Variants in NAPEPLD observed in about 807,000 individuals in gnomAD.
NAPEPLD encodes the protein N-acyl phosphatidylethanolamine phospholipase D.
A neutral mutation model predicts 38.1 loss-of-function variants in NAPEPLD; 23 were observed. The ratio of observed to expected loss-of-function variants is 0.60; its 90% confidence interval spans 0.43 to 0.86. NAPEPLD has a LOEUF of 0.86. NAPEPLD is among the 40% of genes least tolerant of loss of function. The pLI is 0.00. For synonymous variants in NAPEPLD, 147 were observed against 162.0 expected, an observed-to-expected ratio of 0.91 and a Z score of 0.71; for missense variants, 411 against 476.8, an observed-to-expected ratio of 0.86 and a Z score of 1.28.
chr7:103,116,538 G>A lies in NAPEPLD; in HGVS notation c.942-1364C>T, dbSNP rs577439694. ...TTGTATGTCCTGCTGATACAAATTT[G>A]TAAAAACCTGCTAAAGCAAAAATAA... On this transcript the variant is annotated intron_variant, in intron 3 of 4. Coordinates refer to ENST00000465647, the MANE Select transcript of NAPEPLD (RefSeq NM_001122838.3). Among the ~76,000 whole-genome samples the A allele has an allele frequency of 2.7e-4, 41 of 152,240 alleles. No homozygotes were observed. The South Asian group carries it at 8.3e-3, about 31-fold the overall frequency.
Position 103,141,815 on chromosome 7 carries a change from C to T in NAPEPLD, c.-17+6996G>A, listed in dbSNP as rs949046949. The T allele has an allele frequency of 1.7e-4, 152 of 914,802 alleles. 1 individual carries two copies. The African/African-American group carries it at 2.1e-3, about 13-fold the overall frequency. 56.7% of individuals were successfully genotyped at this position (914,802 alleles called of 1,614,324 possible). ...GATCAGCCCATCTTTGATCAGCTTC[C>T]GGATCTGCTGACGGGAGTTGGCATT... is the stretch of plus-strand genomic sequence containing the variant. On this transcript the variant is annotated intron_variant, in intron 1 of 4. Transcript: ENST00000465647.
intron 1 of NAPEPLD, among the ~76,000 whole-genome samples, chr7:103,143,629 G>A (rs916926113): frequency 2.6e-5 from 4 of 152,170 alleles, no homozygotes; most frequent in Non-Finnish European, 2.9e-5. Flanking sequence ...CCAGGAGGGT[G>A]CCACATCCAA....
At chr7:103,141,892 G>C in intron 1 of NAPEPLD, 1 of 1,029,260 alleles carries the variant, frequency 9.7e-7, no homozygotes. Flanking sequence ...TCTTGCCACA[G>C]CAGAGGACAC....
intron 1 of NAPEPLD, among the ~76,000 whole-genome samples, chr7:103,146,961 G>T (rs1186127580): frequency 6.6e-6 from 1 of 152,066 alleles, no homozygotes; most frequent in Non-Finnish European, 1.5e-5. Context: ...TAAAATATTT[G>T]AAAGAGCTTT....
At chr7:103,111,199 G>A (rs1804461045) in intron 4 of NAPEPLD, among the ~76,000 whole-genome samples, 1 of 152,096 alleles carries the variant, frequency 6.6e-6, no homozygotes, top group Admixed American at 6.5e-5. Context: ...GTAATTTATA[G>A]AGTCAATGCT....
chr7:103,119,726 C>G lies in NAPEPLD; in HGVS notation c.792G>C (p.Lys264Asn), dbSNP rs1352992758. The change falls in exon 3 of 5, where the codon AAG becomes AAC. Residue 264 changes from lysine (K) to asparagine (N), a missense_variant. Lys to Asn is a moderately conservative substitution (Grantham distance 94). Transcript: ENST00000465647. ...AGACAGACCAGCTGCCCCATAGCAC[C>G]TTGTTGTCATCCATTAGAGTCCTTT... ...WCKRTLMDDNKVLWGSWSVLG... is the reference protein window; with the variant it reads ...WCKRTLMDDNNVLWGSWSVLG... The G allele has an allele frequency of 6.2e-7, 1 of 1,614,058 alleles. No individual in the cohort carries two copies. The highest frequency in any genetic ancestry group is 1.3e-5 in the African/African-American group (1 of 74,934).
intron 4 of NAPEPLD, among the ~76,000 whole-genome samples, chr7:103,106,507 A>AT (rs1803384690): frequency 6.6e-6 from 1 of 152,082 alleles, no homozygotes; most frequent in Non-Finnish European, 1.5e-5. Flanking sequence ...CAGGATTGAA[A>AT]TTTTCGCTGC....
chr7:103,147,983 C>A, intron 1 of NAPEPLD: 1 of 981,874 alleles, frequency 1.0e-6, no homozygotes, highest in Middle Eastern at 5.2e-4. Flanking sequence ...CTTTAACAGA[C>A]CCAGTATTTT....
intron 1 of NAPEPLD, among the ~76,000 whole-genome samples, chr7:103,132,446 G>T (rs1809138950): frequency 6.6e-6 from 1 of 152,040 alleles, no homozygotes; most frequent in African/African-American, 2.4e-5. Context: ...TTGGTCAGGA[G>T]GAGAGTGGGA....
At chr7:103,122,102 CTTTT>C (rs576597640) in intron 2 of NAPEPLD, among the ~76,000 whole-genome samples, 1 of 141,286 alleles carries the variant, frequency 7.1e-6, no homozygotes, top group Non-Finnish European at 1.6e-5. Context: ...GAGGAAGCAT[CTTTT>C]TTTTTTTTTT....
At chr7:103,143,849 A>G (rs1309225963) in intron 1 of NAPEPLD, among the ~76,000 whole-genome samples, 1 of 152,204 alleles carries the variant, frequency 6.6e-6, no homozygotes, top group African/African-American at 2.4e-5. Context: ...AAATGCCCAA[A>G]ATACAGCTTT....
rs138496861 is a variant in NAPEPLD, at chr7:103,105,678, T to C, written c.1057-2124A>G. Among the ~76,000 whole-genome samples, 536 of 152,294 alleles carry C rather than the reference T, an allele frequency of 3.5e-3. 5 individuals are homozygous for C. The highest frequency in any genetic ancestry group is 0.012 in the African/African-American group (510 of 41,556). ...GTCATGGGTAACTGGCTGGGTGCAGTGGCTCACGCCAGTTAAGGCTGAAGC... is the reference window on the plus strand; with the variant it reads ...GTCATGGGTAACTGGCTGGGTGCAGCGGCTCACGCCAGTTAAGGCTGAAGC... On this transcript the variant is annotated intron_variant, in intron 4 of 4. Coordinates refer to ENST00000465647, the MANE Select transcript of NAPEPLD (RefSeq NM_001122838.3).
At chr7:103,109,572 C>T (rs1804097307) in intron 4 of NAPEPLD, among the ~76,000 whole-genome samples, 1 of 152,082 alleles carries the variant, frequency 6.6e-6, no homozygotes, top group Admixed American at 6.6e-5. Context: ...ACACAATGTA[C>T]CAGAATCTCT....
At position 103,128,468 on chromosome 7, in the gene NAPEPLD, A is replaced by G; in HGVS notation, c.294+15T>C. 6.2e-7 allele frequency: 1 copy of G among 1,611,930 alleles called. No homozygotes were observed. Among genetic ancestry groups the G allele is most frequent in the Non-Finnish European group, 8.5e-7 (1 of 1,179,474 alleles). On this transcript the variant is annotated intron_variant, in intron 2 of 4. Transcript: ENST00000465647. ...GAAGAGCAAATATAAAGCACTCAAA[A>G]AAGCCAAGCGCTACCTCTTTAGAAC...
chr7:103,140,284 A>G (rs1810951806), intron 1 of NAPEPLD, among the ~76,000 whole-genome samples: 1 of 152,106 alleles, frequency 6.6e-6, no homozygotes, highest in Admixed American at 6.5e-5. Flanking sequence ...GTGATAAGGA[A>G]GCTGAGGGAA....
intron 1 of NAPEPLD, among the ~76,000 whole-genome samples, chr7:103,144,161 C>G (rs1812075518): frequency 6.6e-6 from 1 of 152,240 alleles, no homozygotes; most frequent in Non-Finnish European, 1.5e-5. Flanking sequence ...AGCCCATGCT[C>G]TTTCCACTAA....
At chr7:103,104,429 A>C (rs1802897172) in intron 4 of NAPEPLD, among the ~76,000 whole-genome samples, 1 of 152,190 alleles carries the variant, frequency 6.6e-6, no homozygotes, top group African/African-American at 2.4e-5. Context: ...GCAAGCGGAG[A>C]GGAGGGACTA....
intron 1 of NAPEPLD, among the ~76,000 whole-genome samples, chr7:103,138,818 T>C (rs1810624640): frequency 6.6e-6 from 1 of 152,220 alleles, no homozygotes. Context: ...CTCACTTTCA[T>C]TCATCTGTAA....
chr7:103,149,203 C>T (rs1176485524), upstream of NAPEPLD: 9 of 996,456 alleles, frequency 9.0e-6, no homozygotes, highest in African/African-American at 1.7e-5. Context: ...AACCACGGAG[C>T]TCCGGACACT....
Sources: allele counts gnomAD v4.1 joint callset (sites outside exome capture counted in the v4.1 genomes callset), GRCh38; gene constraint gnomAD v4.1.1; transcripts MANE v1.5; gene names NCBI Gene and HGNC (gene_info 2026-07-23, HGNC 2026-07-21).